The following PARP11 variants were observed in gnomAD, a reference collection of about 807,000 sequenced individuals.
PARP11 encodes the protein poly(ADP-ribose) polymerase family member 11, also known as protein mono-ADP-ribosyltransferase PARP11.
PARP11 carries 31 observed loss-of-function variants against 42.9 expected under a neutral mutation model. The ratio of observed to expected loss-of-function variants is 0.72; its 90% CI spans 0.54 to 0.98. PARP11 has a LOEUF of 0.98. Ranked by LOEUF, PARP11 falls within the 50% of genes least tolerant of loss-of-function variation. The pLI is 0.00. For missense variants in PARP11, 365 were observed against 413.1 expected, an observed-to-expected ratio of 0.88 and a Z score of 1.01; for synonymous variants, 137 against 127.3, an observed-to-expected ratio of 1.08 and a Z score of -0.51.
Position 3,841,319 on chromosome 12 carries a change from C to T in PARP11, c.19-11301G>A, listed in dbSNP as rs114457125. The T allele has an allele frequency of 7.1e-4, 873 of 1,225,914 alleles. 9 individuals carry two copies. In the African/African-American group the frequency reaches 0.011, roughly 16 times the overall value. The allele number at this position is 1,225,914 out of a possible 1,614,324, so 75.9% of individuals were successfully genotyped here. On this transcript the variant is annotated intron_variant, in intron 1 of 7. Transcript: ENST00000228820. ...AAGGCATACAGTTGTCCTGTGTGGG[C>T]CCCACATTCTTACCTGTACCCTCTG...
chr12:3,842,028 C>T (rs11062859), intron 1 of PARP11: 63,809 of 1,609,968 alleles, frequency 0.04, 1,610 homozygotes, highest in South Asian at 0.095. Context: ...CATTGGCTTC[C>T]ATCCCTCCTG....
At position 3,814,196 on chromosome 12, in the gene PARP11, C is replaced by A; in HGVS notation, c.549-8G>T. ...TTGAGCTGAGCCTTTTTCCTAAAAA[C>A]ACAATATACACAGACACAAAAGCAC... On this transcript the variant is annotated splice_region_variant and splice_polypyrimidine_tract_variant and intron_variant, in intron 6 of 7. Transcript: ENST00000228820. The A allele has an allele frequency of 6.4e-7, 1 of 1,573,152 alleles. No individual in the cohort carries two copies. Among genetic ancestry groups the A allele is most frequent in the Non-Finnish European group, 8.7e-7 (1 of 1,154,790 alleles).
At chr12:3,832,657 C>A (rs535482314) in intron 1 of PARP11, among the ~76,000 whole-genome samples, 2 of 152,284 alleles carry the variant, frequency 1.3e-5, no homozygotes, top group South Asian at 4.1e-4. Context: ...AGAGTTAAGT[C>A]AAATTTAAAT....
intron 6 of PARP11, among the ~76,000 whole-genome samples, chr12:3,816,260 C>T (rs56793596): frequency 0.13 from 19,220 of 152,168 alleles, 1,283 homozygotes; most frequent in African/African-American, 0.16. Flanking sequence ...CAAGGTCTTT[C>T]TGACTGCTGA....
At chr12:3,824,085 TGACA>T (rs984106499) in intron 4 of PARP11, among the ~76,000 whole-genome samples, 1 of 152,218 alleles carries the variant, frequency 6.6e-6, no homozygotes, top group Non-Finnish European at 1.5e-5. Flanking sequence ...ATGTACCTAC[TGACA>T]TTCTCACCAG....
intron 1 of PARP11, among the ~76,000 whole-genome samples, chr12:3,839,135 C>T (rs1052260652): frequency 4.7e-5 from 7 of 150,486 alleles, no homozygotes; most frequent in African/African-American, 1.7e-4. Flanking sequence ...GCCCGGAGAG[C>T]GCGGACCGCT....
At chr12:3,817,650 A>G (rs919273497) in intron 6 of PARP11, among the ~76,000 whole-genome samples, 13 of 152,240 alleles carry the variant, frequency 8.5e-5, no homozygotes, top group Non-Finnish European at 1.8e-4. Context: ...TACTGAAAGT[A>G]CTGTCGCACC....
chr12:3,873,389 G>C lies in PARP11; in HGVS notation c.-160C>G. 1 of 685,830 alleles carries C rather than the reference G, an allele frequency of 1.5e-6. No homozygotes were observed. The highest frequency in any genetic ancestry group is 2.6e-6 in the Non-Finnish European group (1 of 387,046). 42.5% of individuals were successfully genotyped at this position (685,830 alleles called of 1,614,324 possible). A position where few individuals can be genotyped will look rare whatever the true frequency, so the allele number is the denominator to read the frequency against. Reference sequence around the variant, plus strand: ...CTCCCCCTCCCTGTCACAAGCCAGCGTTTACAGACCACCCAACCTCCCGAC... The same window carrying C: ...CTCCCCCTCCCTGTCACAAGCCAGCCTTTACAGACCACCCAACCTCCCGAC... On this transcript the variant is annotated 5_prime_UTR_variant, in exon 1 of 8. Transcript: ENST00000228820.
At chr12:3,815,540 A>G (rs968474438) in intron 6 of PARP11, among the ~76,000 whole-genome samples, 1 of 152,174 alleles carries the variant, frequency 6.6e-6, no homozygotes, top group African/African-American at 2.4e-5. Context: ...CTTTATCCCA[A>G]CAGTCTTTAG....
At chr12:3,850,875 A>C (rs995839086) in intron 1 of PARP11, among the ~76,000 whole-genome samples, 4 of 152,246 alleles carry the variant, frequency 2.6e-5, no homozygotes, top group African/African-American at 7.2e-5. Flanking sequence ...CTGAAGAAAG[A>C]GAAGGACCAA....
chr12:3,863,655 C>T (rs1591540365), intron 1 of PARP11, among the ~76,000 whole-genome samples: 1 of 152,126 alleles, frequency 6.6e-6, no homozygotes, highest in Non-Finnish European at 1.5e-5. Flanking sequence ...TAGAAGAAAC[C>T]ACATACAAGG....
intron 1 of PARP11, among the ~76,000 whole-genome samples, chr12:3,835,687 G>C (rs1947747656): frequency 6.6e-6 from 1 of 152,112 alleles, no homozygotes; most frequent in Admixed American, 6.5e-5. Flanking sequence ...TATCAATAAA[G>C]AGAGAAATAA....
chr12:3,842,097 G>A lies in PARP11; in HGVS notation c.19-12079C>T, dbSNP rs189005231. 2.0e-4 allele frequency: 315 copies of A among 1,609,424 alleles called. 3 individuals carry two copies. The East Asian group carries it at 6.6e-3, about 34-fold the overall frequency. ...TTCTAAACAGAGAGAGAGAGAAATT[G>A]TGCCTGTTGAACTTGAACCTAAAAG... On this transcript the variant is annotated intron_variant, in intron 1 of 7. Coordinates refer to ENST00000228820, the MANE Select transcript of PARP11 (RefSeq NM_020367.6).
At chr12:3,834,534 C>T (rs10848942) in intron 1 of PARP11, among the ~76,000 whole-genome samples, 51,128 of 149,494 alleles carry the variant, frequency 0.34, 10,105 homozygotes, top group East Asian at 0.73. Context: ...CTCAGGAGGC[C>T]GAGAGAAGAG....
intron 4 of PARP11, 88 bp downstream of exon 4, chr12:3,826,070 A>C: frequency 1.3e-6 from 1 of 762,274 alleles, no homozygotes; most frequent in Non-Finnish European, 2.1e-6. Flanking sequence ...TAAATGACCT[A>C]CCAAAATATT....
intron 6 of PARP11, among the ~76,000 whole-genome samples, chr12:3,819,295 G>A (rs1947348706): frequency 6.6e-6 from 1 of 152,118 alleles, no homozygotes; most frequent in African/African-American, 2.4e-5. Context: ...TTTGGGTCAG[G>A]CAACCCAACG....
In PARP11 at chr12:3,811,742, A is replaced by AT. The variant is rs971398519; in HGVS notation, c.*380dup. The stretch of plus-strand genomic sequence containing the variant: ...TCTAAAGGGACACATTTATGTCTGT[A>AT]TTTTTTTTCAACATTTATACGAATA... On this transcript the variant is annotated 3_prime_UTR_variant, in exon 8 of 8. Transcript: ENST00000228820. 3.5e-5 allele frequency: 6 copies of AT among 169,078 alleles called. No individual in the cohort carries two copies. The highest frequency in any genetic ancestry group is 5.0e-5 in the Non-Finnish European group (4 of 80,066). The allele number at this position is 169,078 out of a possible 1,614,324, so 10.5% of individuals were successfully genotyped here. A position where few individuals can be genotyped will look rare whatever the true frequency, so the allele number is the denominator to read the frequency against.
At chr12:3,838,069 C>CA (rs1947802902) in intron 1 of PARP11, among the ~76,000 whole-genome samples, 1 of 147,816 alleles carries the variant, frequency 6.8e-6, no homozygotes, top group Admixed American at 6.8e-5. Flanking sequence ...ACAACAAAAA[C>CA]AAAAAACACA....
chr12:3,843,791 G>T (rs1424380933), intron 1 of PARP11, among the ~76,000 whole-genome samples: 6 of 152,090 alleles, frequency 3.9e-5, no homozygotes, highest in Non-Finnish European at 7.4e-5. Context: ...AATAACTGTA[G>T]CTTATATTCC....
Sources: allele counts gnomAD v4.1 joint callset (sites outside exome capture counted in the v4.1 genomes callset), GRCh38; gene constraint gnomAD v4.1.1; transcripts MANE v1.5; gene names NCBI Gene and HGNC (gene_info 2026-07-23, HGNC 2026-07-21).